Variants in TP63 observed in about 807,000 individuals in gnomAD.
The protein encoded by TP63 is tumor protein p63, also known as tumor protein 63.
TP63 carries 17 observed loss-of-function variants against 82.8 expected under a neutral mutation model. The observed-to-expected ratio is 0.21, with a 90% CI of 0.14 to 0.31. The LOEUF (loss-of-function observed/expected upper bound fraction) is 0.31. TP63 is among the 10% of genes least tolerant of loss of function. The pLI is 1.00. For synonymous variants in TP63, 330 were observed against 321.7 expected, an observed-to-expected ratio of 1.03 and a Z score of -0.28; for missense variants, 648 against 895.3, an observed-to-expected ratio of 0.72 and a Z score of 3.52.
rs114751273 is a variant in TP63, at chr3:189,819,590, A to C, written c.579+11064A>C. Among the ~76,000 whole-genome samples, 316 of 152,184 alleles carry C rather than the reference A, an allele frequency of 2.1e-3. 1 individual carries two copies. Among genetic ancestry groups the C allele is most frequent in the African/African-American group, 7.3e-3 (304 of 41,516 alleles). ...GCTTTTGTCTAATTTTGTTACCTTT[A>C]AGTTTAGCTACTTGGCAAATAAACA... On this transcript the variant is annotated intron_variant, in intron 4 of 13. Transcript: ENST00000264731.
intron 3 of TP63, among the ~76,000 whole-genome samples, chr3:189,761,895 C>T (rs1408321485): frequency 6.6e-6 from 1 of 152,176 alleles, no homozygotes; most frequent in East Asian, 1.9e-4. Flanking sequence ...AGAGCTTGTG[C>T]AGAGAAACCC....
the TP63 span, among the ~76,000 whole-genome samples, chr3:189,598,575 C>T: frequency 6.6e-6 from 1 of 152,112 alleles, no homozygotes; most frequent in Non-Finnish European, 1.5e-5. Flanking sequence ...AATATACATA[C>T]AAGCTTATTT....
At chr3:189,637,918 G>A (rs954221199) in intron 1 of TP63, among the ~76,000 whole-genome samples, 3 of 152,126 alleles carry the variant, frequency 2.0e-5, no homozygotes, top group Non-Finnish European at 2.9e-5. Context: ...AGGTAGAAGA[G>A]TGAAAGTGAC....
At chr3:189,748,894 C>G (rs1721586941) in intron 3 of TP63, among the ~76,000 whole-genome samples, 1 of 152,034 alleles carries the variant, frequency 6.6e-6, no homozygotes, top group Non-Finnish European at 1.5e-5. Flanking sequence ...TTCCAGCTAA[C>G]TGATTTTCAA....
intron 1 of TP63, among the ~76,000 whole-genome samples, chr3:189,668,118 A>G (rs1714565044): frequency 6.6e-6 from 1 of 152,086 alleles, no homozygotes; most frequent in South Asian, 2.1e-4. Flanking sequence ...AAAAAAAATT[A>G]GGCATTGCAC....
chr3:189,805,008 A>G (rs1576995695), intron 3 of TP63, among the ~76,000 whole-genome samples: 1 of 152,250 alleles, frequency 6.6e-6, no homozygotes, highest in Non-Finnish European at 1.5e-5. Flanking sequence ...TCTTACGTAC[A>G]AAATCTCCCT....
At chr3:189,873,073 AG>A in intron 10 of TP63, 78 bp downstream of exon 10, 1 of 1,602,646 alleles carries the variant, frequency 6.2e-7, no homozygotes, top group Non-Finnish European at 8.5e-7. Context: ...GTGATTGATG[AG>A]CAATGTGGAA....
chr3:189,829,232 C>G (rs531208270), intron 4 of TP63, among the ~76,000 whole-genome samples: 2 of 152,298 alleles, frequency 1.3e-5, no homozygotes, highest in African/African-American at 4.8e-5. Flanking sequence ...AGACCCAAGA[C>G]CCAACCATCT....
At chr3:189,741,447 C>CAAT (rs35951545) in intron 3 of TP63, among the ~76,000 whole-genome samples, 4 of 151,356 alleles carry the variant, frequency 2.6e-5, no homozygotes, top group African/African-American at 9.8e-5. Flanking sequence ...ACTGCTACAA[C>CAAT]GGGTGTGAGA....
intron 3 of TP63, among the ~76,000 whole-genome samples, chr3:189,783,979 A>G (rs1363912125): frequency 1.3e-5 from 2 of 151,350 alleles, no homozygotes; most frequent in Non-Finnish European, 3.0e-5. Flanking sequence ...AATGATAACT[A>G]AAAAAAAATT....
chr3:189,628,437 A>T (rs964336713), upstream of TP63, among the ~76,000 whole-genome samples: 1 of 152,098 alleles, frequency 6.6e-6, no homozygotes, highest in Non-Finnish European at 1.5e-5. Flanking sequence ...GGCAGAGTGC[A>T]TGTTCTTGGC....
intron 4 of TP63, among the ~76,000 whole-genome samples, chr3:189,820,107 A>G (rs1728646664): frequency 6.6e-6 from 1 of 152,216 alleles, no homozygotes; most frequent in African/African-American, 2.4e-5. Flanking sequence ...TGCAAATGTA[A>G]CAAAGGCATA....
At chr3:189,634,094 A>T (rs1388747856) in intron 1 of TP63, among the ~76,000 whole-genome samples, 1 of 152,094 alleles carries the variant, frequency 6.6e-6, no homozygotes, top group Non-Finnish European at 1.5e-5. Flanking sequence ...ATGTTCTTTG[A>T]TACCTCATGA....
At chr3:189,686,379 C>G (rs1269657739) in intron 1 of TP63, among the ~76,000 whole-genome samples, 5 of 152,102 alleles carry the variant, frequency 3.3e-5, no homozygotes, top group Non-Finnish European at 5.9e-5. Context: ...AAACAGAGCT[C>G]TCTCCCAGGC....
rs1200939717 is a variant in TP63, at chr3:189,722,467, G to T, written c.63-15273G>T. On this transcript the variant is annotated intron_variant, in intron 1 of 13. Transcript: ENST00000264731. ...TGGACCAGAGGGCCTTAGAGCTCAG[G>T]GGAATCAACCCCTTCACTTCACAGA... Among the ~76,000 whole-genome samples, 17 of 152,180 alleles carry T rather than the reference G, an allele frequency of 1.1e-4. No homozygotes were observed. The East Asian group carries it at 3.3e-3, about 29-fold the overall frequency.
At chr3:189,622,313 C>T in the TP63 span, among the ~76,000 whole-genome samples, 25 of 152,228 alleles carry the variant, frequency 1.6e-4, no homozygotes, top group East Asian at 1.9e-4. Context: ...TTTTTGACTG[C>T]GCACAAATGT....
intron 9 of TP63, among the ~76,000 whole-genome samples, 163 bp from the exon 10 acceptor site, chr3:189,872,696 A>G (rs535214518): frequency 7.9e-4 from 121 of 152,318 alleles, no homozygotes; most frequent in Non-Finnish European, 5.9e-5. Flanking sequence ...CCGGGTCTGA[A>G]AGACCACAAA....
upstream of TP63, among the ~76,000 whole-genome samples, chr3:189,626,545 G>T (rs1479045399): frequency 6.6e-6 from 1 of 152,186 alleles, no homozygotes; most frequent in Non-Finnish European, 1.5e-5. Context: ...TAAGCCTCTT[G>T]TGGTGGCATC....
intron 4 of TP63, among the ~76,000 whole-genome samples, chr3:189,841,361 T>A (rs1408876822): frequency 2.6e-5 from 4 of 152,216 alleles, no homozygotes; most frequent in African/African-American, 7.2e-5. Flanking sequence ...TATAAACTGT[T>A]AAGGACTATA....
Sources: allele counts gnomAD v4.1 joint callset (sites outside exome capture counted in the v4.1 genomes callset), GRCh38; gene constraint gnomAD v4.1.1; transcripts MANE v1.5; gene names NCBI Gene and HGNC (gene_info 2026-07-23, HGNC 2026-07-21).